The following ARHGAP15 variants were observed in gnomAD, a reference collection of about 807,000 sequenced individuals.
ARHGAP15 encodes the protein rho GTPase-activating protein 15.
A neutral mutation model predicts 63.7 loss-of-function variants in ARHGAP15; 51 were observed. The ratio of observed to expected loss-of-function variants is 0.80; its 90% confidence interval spans 0.64 to 1.01. The LOEUF (loss-of-function observed/expected upper bound fraction) is 1.01. ARHGAP15 is among the 50% of genes least tolerant of loss of function. The probability of loss-of-function intolerance (pLI) is 0.00; values close to 1 mark genes in which losing one functional copy is unlikely to be tolerated. For synonymous variants in ARHGAP15, 191 were observed against 193.8 expected (o/e 0.99, Z 0.12); for missense variants, 560 against 564.6 (o/e 0.99, Z 0.08).
intron 6 of ARHGAP15, among the ~76,000 whole-genome samples, chr2:143,426,508 C>G (rs752544867): frequency 2.6e-5 from 4 of 152,076 alleles, no homozygotes; most frequent in Admixed American, 6.6e-5. Flanking sequence ...TGCTGCGAAC[C>G]GTAGCCCAGA....
chr2:143,710,680 C>T (rs1684541989), intron 13 of ARHGAP15, among the ~76,000 whole-genome samples: 1 of 152,070 alleles, frequency 6.6e-6, no homozygotes, highest in Admixed American at 6.6e-5. Flanking sequence ...AAGTGATGGC[C>T]AACTGTATGA....
At chr2:143,528,521 CAG>C (rs978326936) in intron 10 of ARHGAP15, among the ~76,000 whole-genome samples, 26 of 151,940 alleles carry the variant, frequency 1.7e-4, no homozygotes, top group Non-Finnish European at 2.9e-5. Flanking sequence ...TTAATGAAGA[CAG>C]AATACATGAT....
At chr2:143,295,669 G>A (rs2105133367) in intron 6 of ARHGAP15, 1 of 152,070 alleles carries the variant, frequency 6.6e-6, no homozygotes, top group East Asian at 1.9e-4. Context: ...ATAAAGACAC[G>A]GTGTTTGTAG....
intron 6 of ARHGAP15, among the ~76,000 whole-genome samples, chr2:143,291,340 A>G (rs943723585): frequency 1.3e-5 from 2 of 152,002 alleles, no homozygotes; most frequent in African/African-American, 4.8e-5. Flanking sequence ...GGTGTTTACA[A>G]TCTGTATGGA....
At chr2:143,739,450 T>A (rs543110801) in intron 13 of ARHGAP15, among the ~76,000 whole-genome samples, 13 of 152,250 alleles carry the variant, frequency 8.5e-5, no homozygotes, top group African/African-American at 2.9e-4. Context: ...TAGGCTCTTA[T>A]AAGAAACTTG....
chr2:143,187,202 A>G (rs532897429), intron 2 of ARHGAP15, among the ~76,000 whole-genome samples: 4 of 152,120 alleles, frequency 2.6e-5, no homozygotes, highest in Admixed American at 6.5e-5. Context: ...CTAGTTGACT[A>G]TTTCTTGGGG....
In ARHGAP15 at chr2:143,156,189, C is replaced by T. The variant is rs368800214; in HGVS notation, c.165+534C>T. Among the ~76,000 whole-genome samples, 27 of 151,850 alleles carry T rather than the reference C, an allele frequency of 1.8e-4. 1 individual carries two copies. The highest frequency in any genetic ancestry group is 1.1e-3 in the Admixed American group (16 of 15,230). ...GTTTGGAGAGGAAGCCATTTTGTCT[C>T]GATAATGTGTCATTAGGAAGATTTG... On this transcript the variant is annotated intron_variant, in intron 2 of 13. Coordinates refer to ENST00000295095, the MANE Select transcript of ARHGAP15 (RefSeq NM_018460.4).
chr2:143,210,629 G>T (rs1692527860), intron 3 of ARHGAP15, among the ~76,000 whole-genome samples: 1 of 152,124 alleles, frequency 6.6e-6, no homozygotes, highest in African/African-American at 2.4e-5. Flanking sequence ...GTGAGAGAAA[G>T]TAAGGGAGGG....
At chr2:143,442,991 AT>A (rs1404067607) in intron 8 of ARHGAP15, among the ~76,000 whole-genome samples, 1 of 152,020 alleles carries the variant, frequency 6.6e-6, no homozygotes, top group Non-Finnish European at 1.5e-5. Flanking sequence ...AAACCAATAT[AT>A]TTTTTTCCTG....
chr2:143,264,261 A>G (rs9677495), intron 6 of ARHGAP15, among the ~76,000 whole-genome samples: 1 of 151,914 alleles, frequency 6.6e-6, no homozygotes, highest in African/African-American at 2.4e-5. Context: ...GTCTGATGTC[A>G]TATAATTAGA....
chr2:143,239,990 CAAAAAAAA>C (rs60960176), intron 5 of ARHGAP15, among the ~76,000 whole-genome samples: 6 of 26,468 alleles, frequency 2.3e-4, no homozygotes, highest in East Asian at 3.2e-3. Context: ...GACTCTGTCT[CAAAAAAAA>C]AAAAAAAAAA....
chr2:143,613,475 CT>C (rs1698337771), intron 11 of ARHGAP15, among the ~76,000 whole-genome samples: 1 of 152,138 alleles, frequency 6.6e-6, no homozygotes, highest in Non-Finnish European at 1.5e-5. Context: ...CTGTAATTCC[CT>C]TTTGTAGCAT....
intron 5 of ARHGAP15, among the ~76,000 whole-genome samples, chr2:143,234,569 C>T (rs562298571): frequency 5.3e-5 from 8 of 152,226 alleles, no homozygotes; most frequent in African/African-American, 1.4e-4. Flanking sequence ...ATAGGAGGGC[C>T]GTAGCTATCC....
At chr2:143,494,694 CTTA>C (rs1042414599) in intron 9 of ARHGAP15, among the ~76,000 whole-genome samples, 6 of 152,144 alleles carry the variant, frequency 3.9e-5, no homozygotes, top group African/African-American at 1.4e-4. Flanking sequence ...GTTGTCCACT[CTTA>C]TTAAAGAATG....
At chr2:143,765,039 A>G (rs886589799) in intron 13 of ARHGAP15, among the ~76,000 whole-genome samples, 1 of 152,052 alleles carries the variant, frequency 6.6e-6, no homozygotes, top group Non-Finnish European at 1.5e-5. Context: ...AAAGTTATTA[A>G]AAGAACTTTT....
In ARHGAP15 at chr2:143,743,157, C is replaced by T. The variant is rs112129341; in HGVS notation, c.1245-24832C>T. ...GGATAAGAAGCGTTCAGATTCTAAA[C>T]TCAGGTGAGCCGGGTTTAAACCTTG... On this transcript the variant is annotated intron_variant, in intron 13 of 13. Coordinates refer to ENST00000295095, the MANE Select transcript of ARHGAP15 (RefSeq NM_018460.4). 9.8e-5 allele frequency among the ~76,000 whole-genome samples: 15 copies of T among 152,330 alleles called. 1 individual carries two copies. The highest frequency in any genetic ancestry group is 3.4e-4 in the African/African-American group (14 of 41,570).
chr2:143,587,960 C>T (rs1190517366), intron 11 of ARHGAP15: 1 of 202,562 alleles, frequency 4.9e-6, no homozygotes, highest in East Asian at 1.2e-4. Flanking sequence ...ACTCACCTTC[C>T]TTAGAAGACG....
chr2:143,566,705 G>C (rs1253767577), intron 11 of ARHGAP15, among the ~76,000 whole-genome samples: 1 of 151,890 alleles, frequency 6.6e-6, no homozygotes, highest in Non-Finnish European at 1.5e-5. Context: ...CTGTCTACTG[G>C]AAATGAGTTT....
intron 6 of ARHGAP15, among the ~76,000 whole-genome samples, chr2:143,406,045 T>G (rs1663808780): frequency 6.6e-6 from 1 of 151,968 alleles, no homozygotes; most frequent in Admixed American, 6.6e-5. Context: ...GTCAGATCTT[T>G]GAATATTTTT....
Sources: gnomAD v4.1 joint callset for allele counts (sites outside exome capture counted in the v4.1 genomes callset) on GRCh38, gnomAD v4.1.1 for gene constraint, MANE v1.5 for transcripts, NCBI Gene and HGNC (gene_info 2026-07-23, HGNC 2026-07-21) for gene names.